PRKCE: variants seen among roughly 807,000 people sequenced by gnomAD.
PRKCE encodes protein kinase C epsilon type.
PRKCE carries 16 observed loss-of-function variants against 85.4 expected under a neutral mutation model. The observed-to-expected ratio is 0.19, with a 90% CI of 0.13 to 0.28. The LOEUF is 0.28. PRKCE is among the 10% of genes least tolerant of loss of function. The pLI, the probability that PRKCE is intolerant of heterozygous loss-of-function variation, is 1.00. For missense variants in PRKCE, 573 were observed against 975.2 expected, an observed-to-expected ratio of 0.59 and a Z score of 5.49; for synonymous variants, 388 against 371.5, an observed-to-expected ratio of 1.04 and a Z score of -0.51.
In PRKCE at chr2:45,887,735, C is replaced by T. The variant is rs1426072301; in HGVS notation, c.412+44672C>T. 3.3e-5 allele frequency among the ~76,000 whole-genome samples: 5 copies of T among 152,202 alleles called. No individual in the cohort carries two copies. In the East Asian group the frequency reaches 9.6e-4, roughly 29 times the overall value. ...CTCCTGGAACCCACAAAGTTGGTACCTGGATGCTGCAACATTGGCTAAAAC... is the reference window on the plus strand; with the variant it reads ...CTCCTGGAACCCACAAAGTTGGTACTTGGATGCTGCAACATTGGCTAAAAC... On this transcript the variant is annotated intron_variant, in intron 2 of 14. Coordinates refer to ENST00000306156, the MANE Select transcript of PRKCE (RefSeq NM_005400.3).
At chr2:46,107,274 C>G (rs892102509) in intron 11 of PRKCE, among the ~76,000 whole-genome samples, 2 of 152,212 alleles carry the variant, frequency 1.3e-5, no homozygotes, top group Non-Finnish European at 2.9e-5. Context: ...AGACTGGCTT[C>G]TTTCACCTGG....
At chr2:45,699,289 C>T (rs1355481173) in intron 1 of PRKCE, among the ~76,000 whole-genome samples, 3 of 152,140 alleles carry the variant, frequency 2.0e-5, no homozygotes, top group African/African-American at 7.2e-5. Context: ...GACCCCACTG[C>T]CTTCTTGTTA....
intron 1 of PRKCE, among the ~76,000 whole-genome samples, chr2:45,762,727 G>A (rs1489166789): frequency 6.6e-6 from 1 of 152,160 alleles, no homozygotes; most frequent in Non-Finnish European, 1.5e-5. Flanking sequence ...TTTTATGCTA[G>A]GTCCAGTGCT....
chr2:45,760,304 G>A (rs1219803727), intron 1 of PRKCE, among the ~76,000 whole-genome samples: 3 of 152,160 alleles, frequency 2.0e-5, no homozygotes, highest in Non-Finnish European at 2.9e-5. Flanking sequence ...TAGTATGGTT[G>A]CTCCAGTTGA....
At chr2:46,089,666 T>C (rs1669976385) in intron 11 of PRKCE, among the ~76,000 whole-genome samples, 2 of 152,118 alleles carry the variant, frequency 1.3e-5, no homozygotes, top group Non-Finnish European at 2.9e-5. Flanking sequence ...AGGCCGCGGG[T>C]TGGGGAAGGC....
chr2:46,088,959 A>G (rs1480295451), intron 11 of PRKCE, among the ~76,000 whole-genome samples: 1 of 151,762 alleles, frequency 6.6e-6, no homozygotes, highest in Non-Finnish European at 1.5e-5. Context: ...CCAACTCTAA[A>G]CTCCTTCACT....
At chr2:45,672,998 G>A (rs1024812639) in intron 1 of PRKCE, among the ~76,000 whole-genome samples, 5 of 152,196 alleles carry the variant, frequency 3.3e-5, no homozygotes, top group African/African-American at 1.2e-4. Flanking sequence ...CTCTACTCCA[G>A]CCTGGGCAGC....
intron 1 of PRKCE, among the ~76,000 whole-genome samples, chr2:45,740,548 C>G (rs1157652817): frequency 6.6e-6 from 1 of 152,176 alleles, no homozygotes; most frequent in Non-Finnish European, 1.5e-5. Context: ...ACCCTTCCCC[C>G]TGCCCATTGC....
At chr2:45,790,867 G>C (rs1019917617) in intron 1 of PRKCE, among the ~76,000 whole-genome samples, 3 of 152,226 alleles carry the variant, frequency 2.0e-5, no homozygotes, top group Admixed American at 1.3e-4. Flanking sequence ...TGGTCCTGAT[G>C]ATGGTGCTGG....
chr2:45,827,240 T>G (rs1234739560), intron 1 of PRKCE, among the ~76,000 whole-genome samples: 1 of 152,240 alleles, frequency 6.6e-6, no homozygotes, highest in Admixed American at 6.5e-5. Context: ...GCTGGCTTTT[T>G]CGATGATCAG....
At chr2:45,926,082 A>G (rs972233909) in intron 2 of PRKCE, among the ~76,000 whole-genome samples, 2 of 152,222 alleles carry the variant, frequency 1.3e-5, no homozygotes, top group African/African-American at 4.8e-5. Context: ...TCTACATCCC[A>G]GGAAATGGGG....
At chr2:45,897,288 AT>A (rs1181111294) in intron 2 of PRKCE, among the ~76,000 whole-genome samples, 1 of 152,084 alleles carries the variant, frequency 6.6e-6, no homozygotes, top group Admixed American at 6.5e-5. Context: ...CCCAGACTGT[AT>A]CTCCTGAAGG....
At chr2:45,752,019 G>A (rs1558632642) in intron 1 of PRKCE, among the ~76,000 whole-genome samples, 3 of 149,466 alleles carry the variant, frequency 2.0e-5, no homozygotes, top group Admixed American at 2.0e-4. Flanking sequence ...GGGTTTCACC[G>A]TTTTAGCCGG....
At chr2:45,748,660 C>G (rs1370848194) in intron 1 of PRKCE, among the ~76,000 whole-genome samples, 1 of 152,116 alleles carries the variant, frequency 6.6e-6, no homozygotes, top group Non-Finnish European at 1.5e-5. Flanking sequence ...TGGGTCTTCT[C>G]GGAGCTGGTC....
At chr2:46,127,883 G>A (rs563057167) in intron 11 of PRKCE, among the ~76,000 whole-genome samples, 2 of 152,240 alleles carry the variant, frequency 1.3e-5, no homozygotes, top group African/African-American at 4.8e-5. Context: ...GACCACAGCT[G>A]TGTTTCTCAG....
intron 1 of PRKCE, among the ~76,000 whole-genome samples, chr2:45,657,923 G>A (rs990029320): frequency 7.2e-5 from 11 of 152,230 alleles, no homozygotes; most frequent in Admixed American, 1.3e-4. Context: ...CTGATGCCCC[G>A]AATGGAGCCT....
chr2:46,019,682 G>A (rs984653258), intron 10 of PRKCE, among the ~76,000 whole-genome samples: 8 of 151,814 alleles, frequency 5.3e-5, no homozygotes, highest in African/African-American at 1.9e-4. Context: ...GTTTCCTTAC[G>A]TGTCTTTTCA....
intron 1 of PRKCE, among the ~76,000 whole-genome samples, chr2:45,669,865 G>A (rs930110593): frequency 1.1e-4 from 17 of 152,038 alleles, no homozygotes; most frequent in African/African-American, 2.9e-4. Context: ...ACAAAAATTA[G>A]CCAGGCATGG....
intron 10 of PRKCE, among the ~76,000 whole-genome samples, chr2:46,035,045 G>A (rs891907545): frequency 1.3e-5 from 2 of 152,198 alleles, no homozygotes; most frequent in African/African-American, 4.8e-5. Context: ...GACCACATGG[G>A]TTGTACCTCT....
Sources: gnomAD v4.1 joint callset for allele counts (sites outside exome capture counted in the v4.1 genomes callset) on GRCh38, gnomAD v4.1.1 for gene constraint, MANE v1.5 for transcripts, NCBI Gene and HGNC (gene_info 2026-07-23, HGNC 2026-07-21) for gene names.